LSAMP: variants seen among roughly 807,000 people sequenced by gnomAD.
LSAMP encodes limbic system associated membrane protein.
LSAMP carries 7 observed loss-of-function variants against 38.6 expected under a neutral mutation model. That is an observed-to-expected ratio of 0.18 (90% confidence interval 0.10 to 0.34). The LOEUF (loss-of-function observed/expected upper bound fraction) is 0.34. Among genes scored for constraint, LSAMP ranks in the 10% least tolerant of loss-of-function variants. The probability of loss-of-function intolerance (pLI) is 1.00; values close to 1 mark genes in which losing one functional copy is unlikely to be tolerated. For synonymous variants in LSAMP, 154 were observed against 166.8 expected, an observed-to-expected ratio of 0.92 and a Z score of 0.59; for missense variants, 313 against 420.0, an observed-to-expected ratio of 0.75 and a Z score of 2.23.
intron 2 of LSAMP, among the ~76,000 whole-genome samples, chr3:116,068,568 G>A (rs1707518748): frequency 1.3e-5 from 2 of 152,158 alleles, no homozygotes; most frequent in Non-Finnish European, 2.9e-5. Flanking sequence ...CCTTGTAAAT[G>A]GGTCGATAAG....
At chr3:115,944,451 C>G (rs1007273750) in intron 3 of LSAMP, among the ~76,000 whole-genome samples, 7 of 152,044 alleles carry the variant, frequency 4.6e-5, no homozygotes, top group African/African-American at 7.2e-5. Context: ...GAAACTCCAT[C>G]CTCTTATAGT....
chr3:115,867,936 A>G (rs1935907999), intron 3 of LSAMP, among the ~76,000 whole-genome samples: 1 of 152,172 alleles, frequency 6.6e-6, no homozygotes, highest in Admixed American at 6.6e-5. Flanking sequence ...ACAATTCACA[A>G]AACGGGAGTT....
chr3:115,898,424 T>A (rs1396262802), intron 3 of LSAMP, among the ~76,000 whole-genome samples: 1 of 152,036 alleles, frequency 6.6e-6, no homozygotes, highest in Non-Finnish European at 1.5e-5. Flanking sequence ...TGGGGCCACC[T>A]ACAGATTTTT....
intron 1 of LSAMP, among the ~76,000 whole-genome samples, chr3:116,272,297 A>C (rs1236548593): frequency 6.6e-6 from 1 of 152,140 alleles, no homozygotes; most frequent in East Asian, 1.9e-4. Context: ...ATTTGGAGAA[A>C]GGCAAAAATA....
chr3:116,408,625 G>A (rs1212673127), intron 1 of LSAMP, among the ~76,000 whole-genome samples: 1 of 152,062 alleles, frequency 6.6e-6, no homozygotes, highest in Non-Finnish European at 1.5e-5. Context: ...TAGCCACCGT[G>A]CATGATAGAT....
At chr3:116,066,207 T>C (rs990547714) in intron 2 of LSAMP, among the ~76,000 whole-genome samples, 1 of 152,192 alleles carries the variant, frequency 6.6e-6, no homozygotes, top group Non-Finnish European at 1.5e-5. Flanking sequence ...GGGACCTCTC[T>C]GGGGCCTATT....
At chr3:116,324,931 T>C (rs113868259) in intron 1 of LSAMP, among the ~76,000 whole-genome samples, 3 of 152,200 alleles carry the variant, frequency 2.0e-5, no homozygotes, top group African/African-American at 7.2e-5. Flanking sequence ...ATGACTTCTA[T>C]TGCCGTCCTT....
chr3:116,251,679 T>TG (rs1477983288), intron 1 of LSAMP, among the ~76,000 whole-genome samples: 1 of 152,126 alleles, frequency 6.6e-6, no homozygotes, highest in African/African-American at 2.4e-5. Context: ...CTGCAAGGAG[T>TG]GGAAGCTTAG....
chr3:115,964,033 G>A (rs766307821), intron 3 of LSAMP, among the ~76,000 whole-genome samples: 1 of 152,156 alleles, frequency 6.6e-6, no homozygotes, highest in Non-Finnish European at 1.5e-5. Flanking sequence ...GATTACAGGT[G>A]TAAGCCACAT....
chr3:116,223,592 C>G (rs2046312941), intron 1 of LSAMP, among the ~76,000 whole-genome samples: 1 of 152,106 alleles, frequency 6.6e-6, no homozygotes. Flanking sequence ...AGTATCTCAA[C>G]AGTATTCACA....
At chr3:116,130,745 T>C (rs1004904576) in intron 1 of LSAMP, among the ~76,000 whole-genome samples, 3 of 152,178 alleles carry the variant, frequency 2.0e-5, no homozygotes, top group Non-Finnish European at 4.4e-5. Flanking sequence ...TAATACAGTG[T>C]ATAGCTACAG....
intron 3 of LSAMP, among the ~76,000 whole-genome samples, chr3:115,961,948 G>T (rs1020782809): frequency 2.0e-5 from 3 of 152,166 alleles, no homozygotes; most frequent in African/African-American, 7.2e-5. Context: ...AAAGATAGCT[G>T]CATGGCTTTT....
intron 3 of LSAMP, among the ~76,000 whole-genome samples, chr3:115,856,479 T>C (rs1248281345): frequency 1.3e-5 from 2 of 151,790 alleles, no homozygotes; most frequent in Non-Finnish European, 2.9e-5. Context: ...AATTAGCAAG[T>C]GTGGTGGCAT....
chr3:115,860,438 A>ATTTC (rs1935641360), intron 3 of LSAMP, among the ~76,000 whole-genome samples: 1 of 152,170 alleles, frequency 6.6e-6, no homozygotes, highest in East Asian at 1.9e-4. Context: ...AATCTGCTTT[A>ATTTC]TTTCTTTCTT....
At chr3:116,369,943 G>T (rs1392118473) in intron 1 of LSAMP, 1 of 152,462 alleles carries the variant, frequency 6.6e-6, no homozygotes, top group Non-Finnish European at 1.5e-5. Flanking sequence ...ATCCAACCCT[G>T]GTGCCGCCTT....
intron 1 of LSAMP, among the ~76,000 whole-genome samples, chr3:116,284,464 C>T (rs1263907687): frequency 6.6e-6 from 1 of 152,132 alleles, no homozygotes; most frequent in East Asian, 1.9e-4. Flanking sequence ...GCTAGTAATG[C>T]ATTTGCATGA....
chr3:116,075,688 A>G (rs1707726226), intron 2 of LSAMP, among the ~76,000 whole-genome samples: 1 of 150,976 alleles, frequency 6.6e-6, no homozygotes, highest in African/African-American at 2.4e-5. Context: ...CTACAGGCCC[A>G]CGCCACCACA....
At chr3:115,957,633 T>A (rs1384428802) in intron 3 of LSAMP, among the ~76,000 whole-genome samples, 1 of 152,218 alleles carries the variant, frequency 6.6e-6, no homozygotes, top group African/African-American at 2.4e-5. Context: ...GAAATTTGTA[T>A]CTTCCACATC....
At chr3:116,336,696 T>G (rs1424490390) in intron 1 of LSAMP, among the ~76,000 whole-genome samples, 3 of 151,954 alleles carry the variant, frequency 2.0e-5, no homozygotes, top group African/African-American at 7.2e-5. Flanking sequence ...TTGGTGAGAA[T>G]GCAAAATGGT....
Sources: gnomAD v4.1 joint callset for allele counts (sites outside exome capture counted in the v4.1 genomes callset) on GRCh38, gnomAD v4.1.1 for gene constraint, MANE v1.5 for transcripts, NCBI Gene and HGNC (gene_info 2026-07-23, HGNC 2026-07-21) for gene names.